Variants in NAALADL2 observed in about 807,000 individuals in gnomAD.
The protein encoded by NAALADL2 is inactive N-acetylated-alpha-linked acidic dipeptidase-like protein 2.
Under a neutral mutation model 87.2 loss-of-function variants are expected in NAALADL2, and 76 were observed. The ratio of observed to expected loss-of-function variants is 0.87; its 90% confidence interval spans 0.72 to 1.05. NAALADL2 has a LOEUF of 1.05. NAALADL2 is among the 50% of genes least tolerant of loss of function. The pLI is 0.00. For synonymous variants in NAALADL2, 354 were observed against 331.0 expected, an observed-to-expected ratio of 1.07 and a Z score of -0.75; for missense variants, 1,089 against 945.8, an observed-to-expected ratio of 1.15 and a Z score of -1.99.
intron 1 of NAALADL2, among the ~76,000 whole-genome samples, chr3:175,063,130 G>T (rs201586370): frequency 6.6e-6 from 1 of 152,096 alleles, no homozygotes; most frequent in East Asian, 1.9e-4. Context: ...GTAGGTAAAA[G>T]TTCAGGAAAA....
intron 3 of NAALADL2, among the ~76,000 whole-genome samples, chr3:174,764,037 C>T (rs1713445059): frequency 6.6e-6 from 1 of 152,124 alleles, no homozygotes; most frequent in Non-Finnish European, 1.5e-5. Flanking sequence ...TCAATCTGCT[C>T]TTTGTGATTC....
chr3:175,113,110 T>C (rs1033682173), intron 2 of NAALADL2, among the ~76,000 whole-genome samples: 1 of 151,626 alleles, frequency 6.6e-6, no homozygotes, highest in African/African-American at 2.4e-5. Flanking sequence ...GAAAAGGTGA[T>C]GGTTAGAATT....
At position 174,799,966 on chromosome 3, in the gene NAALADL2, G is replaced by A. The variant is rs150611845; in HGVS notation, c.-9+62220G>A. Among the ~76,000 whole-genome samples the A allele has an allele frequency of 8.6e-3, 1,311 of 151,912 alleles. 14 individuals carry two copies. Among genetic ancestry groups the A allele is most frequent in the Non-Finnish European group, 0.013 (884 of 67,916 alleles). Reference sequence around the variant, plus strand: ...TTTGCCCCTGCCCTAGAGATCTGTGGAACTTTGAACTTCAGAGAGATGATA... The same window carrying A: ...TTTGCCCCTGCCCTAGAGATCTGTGAAACTTTGAACTTCAGAGAGATGATA... On this transcript the variant is annotated intron_variant, in intron 3 of 3. Coordinates refer to the NAALADL2 transcript ENST00000434257.
At chr3:174,619,220 A>G (rs1400266028) in intron 2 of NAALADL2, among the ~76,000 whole-genome samples, 3 of 151,940 alleles carry the variant, frequency 2.0e-5, no homozygotes, top group East Asian at 1.9e-4. Context: ...TTAAAAATCT[A>G]TTTTCCCTTT....
chr3:174,525,059 C>T lies in NAALADL2; in HGVS notation c.-183-25510C>T, dbSNP rs188841563. On this transcript the variant is annotated intron_variant, in intron 1 of 3. Coordinates refer to the NAALADL2 transcript ENST00000434257. ...CTACCATATAGTCTGTGTGTACAGT[C>T]GTCTGTACAGTCTAGATGTAAATAC... Among the ~76,000 whole-genome samples the T allele has an allele frequency of 2.0e-4, 31 of 152,286 alleles. No homozygotes were observed. The East Asian group carries it at 2.1e-3, about 10-fold the overall frequency.
intron 1 of NAALADL2, among the ~76,000 whole-genome samples, chr3:174,508,566 A>G (rs1205769618): frequency 6.6e-6 from 1 of 152,224 alleles, no homozygotes; most frequent in African/African-American, 2.4e-5. Flanking sequence ...TTTGGGGAGA[A>G]TTGACATTGT....
intron 1 of NAALADL2, among the ~76,000 whole-genome samples, chr3:174,478,739 C>T (rs1258229864): frequency 6.6e-6 from 1 of 151,998 alleles, no homozygotes; most frequent in African/African-American, 2.4e-5. Context: ...TGAGACAGAA[C>T]CTTGTTCTGT....
intron 1 of NAALADL2, among the ~76,000 whole-genome samples, chr3:174,523,824 A>T (rs574321567): frequency 1.3e-5 from 2 of 152,170 alleles, no homozygotes; most frequent in African/African-American, 4.8e-5. Flanking sequence ...CAACGTAATT[A>T]TGTGTCTTAT....
At chr3:175,378,105 C>T (rs945319300) in intron 5 of NAALADL2, among the ~76,000 whole-genome samples, 1 of 152,192 alleles carries the variant, frequency 6.6e-6, no homozygotes, top group African/African-American at 2.4e-5. Context: ...TGTAACACTC[C>T]CTCTGGGGCT....
chr3:174,667,325 G>A (rs1369611891), intron 2 of NAALADL2, among the ~76,000 whole-genome samples: 2 of 152,082 alleles, frequency 1.3e-5, no homozygotes, highest in Non-Finnish European at 2.9e-5. Context: ...CTAGCTGAGG[G>A]AAGAAGCAAG....
chr3:175,512,259 A>G (rs1731259387), intron 9 of NAALADL2, among the ~76,000 whole-genome samples: 1 of 152,158 alleles, frequency 6.6e-6, no homozygotes, highest in South Asian at 2.1e-4. Context: ...AAAGAATGAA[A>G]AAAGAAACAT....
intron 2 of NAALADL2, among the ~76,000 whole-genome samples, chr3:174,705,103 C>T (rs117471710): frequency 6.6e-6 from 1 of 152,212 alleles, no homozygotes; most frequent in Non-Finnish European, 1.5e-5. Flanking sequence ...AGCTCAGGGT[C>T]CTAGGCAGGA....
intron 2 of NAALADL2, among the ~76,000 whole-genome samples, chr3:174,594,266 G>A (rs1380902374): frequency 6.6e-6 from 1 of 152,072 alleles, no homozygotes; most frequent in Non-Finnish European, 1.5e-5. Flanking sequence ...CTGGTGAAGT[G>A]GTTGGAACAT....
chr3:175,498,940 T>C (rs1184244147), intron 9 of NAALADL2, among the ~76,000 whole-genome samples: 1 of 152,126 alleles, frequency 6.6e-6, no homozygotes, highest in Admixed American at 6.6e-5. Flanking sequence ...TCTTACATTA[T>C]TAATTTTACT....
At chr3:174,638,595 TA>T (rs922985253) in intron 2 of NAALADL2, among the ~76,000 whole-genome samples, 26 of 151,714 alleles carry the variant, frequency 1.7e-4, no homozygotes, top group Non-Finnish European at 3.1e-4. Context: ...GGTTTTTTTT[TA>T]AAAAAAACTT....
chr3:175,621,199 T>C (rs952996981), intron 10 of NAALADL2, among the ~76,000 whole-genome samples: 1 of 152,188 alleles, frequency 6.6e-6, no homozygotes, highest in African/African-American at 2.4e-5. Flanking sequence ...CCCGTTCCTG[T>C]CTGTCTAGGA....
In NAALADL2 at chr3:174,560,682, C is replaced by A. The variant is rs116055736; in HGVS notation, c.-115+10045C>A. ...TGTTTCCAGTTCACCTGGGACCTGG[C>A]TTTGGCTGTTAGAGACTTTATTTAT... On this transcript the variant is annotated intron_variant, in intron 2 of 3. Coordinates refer to the NAALADL2 transcript ENST00000434257. Among the ~76,000 whole-genome samples, 295 of 152,220 alleles carry A rather than the reference C, an allele frequency of 1.9e-3. 2 individuals are homozygous for A. Among genetic ancestry groups the A allele is most frequent in the African/African-American group, 6.8e-3 (284 of 41,522 alleles).
At chr3:174,702,949 C>T (rs1314683755) in intron 2 of NAALADL2, among the ~76,000 whole-genome samples, 3 of 152,208 alleles carry the variant, frequency 2.0e-5, no homozygotes, top group East Asian at 3.9e-4. Context: ...TCTGCCTCAG[C>T]GTTCAGAGTT....
At chr3:174,832,633 G>T (rs915707945) in intron 3 of NAALADL2, among the ~76,000 whole-genome samples, 1 of 151,904 alleles carries the variant, frequency 6.6e-6, no homozygotes, top group African/African-American at 2.4e-5. Context: ...GGCTAATTTT[G>T]TTTTTGTATT....
Sources: allele counts gnomAD v4.1 joint callset (sites outside exome capture counted in the v4.1 genomes callset), GRCh38; gene constraint gnomAD v4.1.1; transcripts MANE v1.5; gene names NCBI Gene and HGNC (gene_info 2026-07-23, HGNC 2026-07-21).